PLXND1: variants seen among roughly 807,000 people sequenced by gnomAD.
PLXND1 encodes plexin D1.
A neutral mutation model predicts 197.7 loss-of-function variants in PLXND1; 54 were observed. That is an observed-to-expected ratio of 0.27 (90% CI 0.22 to 0.34). The LOEUF is 0.34. PLXND1 is among the 10% of genes least tolerant of loss of function. PLXND1 has a pLI of 1.00. For missense variants in PLXND1, 2,127 were observed against 2,699.2 expected, an observed-to-expected ratio of 0.79 and a Z score of 4.70; for synonymous variants, 1,180 against 1,161.2, an observed-to-expected ratio of 1.02 and a Z score of -0.33.
At position 129,605,959 on chromosome 3, in the gene PLXND1, C is replaced by T. The variant is rs1252172864; in HGVS notation, c.681G>A (p.Leu227=). ...GSSFFPRNRS[L]EDHRFENTPE... ...GCGTGTTCTCGAAGCGGTGGTCCTC[C>T]AGGCTGCGGTTGCGCGGGAAGAAGG... The change falls in exon 1 of 36, where the codon CTG becomes CTA. Residue 227 remains leucine, a synonymous_variant. Transcript: ENST00000324093. The T allele has an allele frequency of 1.2e-6, 2 of 1,612,654 alleles. No homozygotes were observed. The highest frequency in any genetic ancestry group is 8.5e-7 in the Non-Finnish European group (1 of 1,179,824).
chr3:129,570,883 C>T lies in PLXND1; in HGVS notation c.3653G>A (p.Gly1218Asp). The T allele has an allele frequency of 6.2e-7, 1 of 1,614,200 alleles. No individual in the cohort carries two copies. Among genetic ancestry groups the T allele is most frequent in the Non-Finnish European group, 8.5e-7 (1 of 1,180,016 alleles). ...LQSHEYRVKI[G>D]QVSCDIQIVS... ...AATCTGGATGTCGCAGCTTACTTGGCCTATCTTGACCCGGTACTCGTGACT... is the reference window on the plus strand; with the variant it reads ...AATCTGGATGTCGCAGCTTACTTGGTCTATCTTGACCCGGTACTCGTGACT... Residue 1218 changes from glycine (G) to aspartate (D), a missense_variant, in exon 19 of 36, where the codon GGC becomes GAC. Coordinates refer to ENST00000324093, the MANE Select transcript of PLXND1 (RefSeq NM_015103.3).
chr3:129,572,977 G>T, intron 13 of PLXND1, 36 bp from the exon 14 acceptor site: 1 of 1,464,938 alleles, frequency 6.8e-7, no homozygotes, highest in South Asian at 1.2e-5. Flanking sequence ...AGCGGTCCTT[G>T]GCCCCCACGG....
At chr3:129,564,115 T>TGAGGCAGCCCGCAGAAGGCG (rs1216099501) in intron 25 of PLXND1, among the ~76,000 whole-genome samples, 7 of 152,164 alleles carry the variant, frequency 4.6e-5, no homozygotes, top group Admixed American at 1.3e-4. Flanking sequence ...TGGCCCACAG[T>TGAGGCAGCCCGCAGAAGGCG]GAGGCAGCCC....
Position 129,583,681 on chromosome 3 carries a change from G to A in PLXND1, c.2139-12C>T, listed in dbSNP as rs750888717. Reference sequence around the variant, plus strand: ...GGCAGCTGGTACAGCTGGAAGACAAGGAGGCCCCTCAACTCCTGGTTCCCC... The same window carrying A: ...GGCAGCTGGTACAGCTGGAAGACAAAGAGGCCCCTCAACTCCTGGTTCCCC... On this transcript the variant is annotated splice_polypyrimidine_tract_variant and intron_variant, in intron 7 of 35. Coordinates refer to ENST00000324093, the MANE Select transcript of PLXND1 (RefSeq NM_015103.3). The A allele has an allele frequency of 1.3e-6, 2 of 1,593,260 alleles. No individual in the cohort carries two copies. The highest frequency in any genetic ancestry group is 2.2e-5 in the South Asian group (2 of 89,996).
At chr3:129,597,508 G>C (rs1398657294) in intron 1 of PLXND1, among the ~76,000 whole-genome samples, 1 of 152,110 alleles carries the variant, frequency 6.6e-6, no homozygotes, top group African/African-American at 2.4e-5. Context: ...TTACCGATCA[G>C]AGCATAAAGT....
At chr3:129,589,307 G>GCCGGCCCCCCCCCCC in intron 2 of PLXND1, 44 bp downstream of exon 2, 27 of 684,680 alleles carry the variant, frequency 3.9e-5, no homozygotes, top group East Asian at 2.5e-4. Flanking sequence ...TCCCAGGGGA[G>GCCGGCCCCCCCCCCC]CCTCCCACCC....
At chr3:129,559,102 C>G (rs577021188) in intron 32 of PLXND1, 2 of 155,970 alleles carry the variant, frequency 1.3e-5, no homozygotes, top group Admixed American at 1.3e-4. Flanking sequence ...TGCACAGAGG[C>G]GCCTGGGCTG....
intron 15 of PLXND1, 52 bp from the exon 16 acceptor site, chr3:129,571,896 C>T: frequency 6.6e-7 from 1 of 1,520,476 alleles, no homozygotes; most frequent in Non-Finnish European, 8.9e-7. Context: ...TGCTCACCCA[C>T]CGCCAATGCC....
Position 129,606,430 on chromosome 3 carries a change from G to T in PLXND1, c.210C>A (p.Thr70=), listed in dbSNP as rs750202664. Residue 70 remains threonine, a synonymous_variant, in exon 1 of 36, where the codon ACC becomes ACA. Coordinates refer to ENST00000324093, the MANE Select transcript of PLXND1 (RefSeq NM_015103.3). ...NNFALDGAAG[T]VYLAAVNRLY... Reference sequence around the variant, plus strand: ...GGCGGTTGACGGCCGCCAGGTACACGGTCCCCGCCGCGCCGTCCAGGGCGA... The same window carrying T: ...GGCGGTTGACGGCCGCCAGGTACACTGTCCCCGCCGCGCCGTCCAGGGCGA... 13 of 1,480,068 alleles carry T rather than the reference G, an allele frequency of 8.8e-6. No homozygotes were observed. Among genetic ancestry groups the T allele is most frequent in the South Asian group, 1.3e-5 (1 of 74,550 alleles). 91.7% of individuals were successfully genotyped at this position (1,480,068 alleles called of 1,614,324 possible). A position where few individuals can be genotyped will look rare whatever the true frequency, so the allele number is the denominator to read the frequency against.
chr3:129,572,622 AG>A lies in PLXND1; in HGVS notation c.3063del (p.Cys1022AlafsTer4). On this transcript the variant is annotated frameshift_variant, in exon 15 of 36. Transcript: ENST00000324093. LOFTEE classifies it high-confidence loss of function. Reference protein sequence around the residue: ...ELQVLVNDTDPCTELMRTDTS... With the variant: ...ELQVLVNDTDXCTELMRTDTS... ...CCAGAGGCTTACATCAGCTCCGTGC[AG>A]GGGTCTGTGTCGTTCACCAGGACCT... The A allele has an allele frequency of 6.4e-7, 1 of 1,566,144 alleles. No individual in the cohort carries two copies. Among genetic ancestry groups the A allele is most frequent in the Non-Finnish European group, 8.6e-7 (1 of 1,156,242 alleles).
rs2085000125 is a variant in PLXND1, at chr3:129,558,060, G to A, written c.5445+368C>T. Among the ~76,000 whole-genome samples, 1 of 152,198 alleles carries A rather than the reference G, an allele frequency of 6.6e-6. No homozygotes were observed. Among genetic ancestry groups the A allele is most frequent in the Non-Finnish European group, 1.5e-5 (1 of 68,050 alleles). ...TCGCTTGAATGGCTTTTGACTTTCA[G>A]GGGCTACTGCCCAGAGCCTGGCCCG... On this transcript the variant is annotated intron_variant, in intron 33 of 35. Transcript: ENST00000324093. This position sits in a 1 kb window ranked among gnomAD's most constrained non-coding sequence, Gnocchi z 4.1.
intron 1 of PLXND1, among the ~76,000 whole-genome samples, chr3:129,593,113 GCCATCTTTCTCTC>G (rs1204751927): frequency 6.6e-6 from 1 of 152,156 alleles, no homozygotes; most frequent in Admixed American, 6.5e-5. Flanking sequence ...AAGTCACAGG[GCCATCTTTCTCTC>G]ACACAAAGCT....
At chr3:129,571,335 G>C (rs772819509) in intron 17 of PLXND1, 32 bp from the exon 18 acceptor site, 2 of 1,599,804 alleles carry the variant, frequency 1.3e-6, no homozygotes, top group Non-Finnish European at 1.7e-6. Context: ...CCCAGGCCGG[G>C]ATGCAGGATG....
chr3:129,572,402 G>C (rs973739345), intron 15 of PLXND1, among the ~76,000 whole-genome samples: 1 of 152,190 alleles, frequency 6.6e-6, no homozygotes, highest in Non-Finnish European at 1.5e-5. Flanking sequence ...CTGTATACCT[G>C]GCACAAAGCC....
chr3:129,578,672 C>T (rs2085347480), intron 8 of PLXND1: 1 of 517,234 alleles, frequency 1.9e-6, no homozygotes, highest in East Asian at 3.4e-5. Context: ...AGGCAGATGG[C>T]ATAACCCGCC....
Position 129,569,925 on chromosome 3 carries a change from G to A in PLXND1, c.3783C>T (p.Ala1261=). 6.2e-7 allele frequency: 1 copy of A among 1,612,926 alleles called. No individual in the cohort carries two copies. Among genetic ancestry groups the A allele is most frequent in the Non-Finnish European group, 8.5e-7 (1 of 1,179,036 alleles). ...TCTCGCTGCCCCCCAGCTGCAGTGT[G>A]GCGATGGTCTGGTTGAAGTTCCCTA... ...IQVGNFNQTI[A]TLQLGGSETA... is the part of the protein sequence containing the mutation. Residue 1261 remains alanine, a synonymous_variant, in exon 20 of 36, where the codon GCC becomes GCT. Transcript: ENST00000324093.
At chr3:129,599,521 C>T (rs930095657) in intron 1 of PLXND1, among the ~76,000 whole-genome samples, 2 of 152,206 alleles carry the variant, frequency 1.3e-5, no homozygotes, top group Admixed American at 1.3e-4. Flanking sequence ...ACTCACCCTC[C>T]TGGGTGGACC....
chr3:129,591,985 C>G (rs1402121371), intron 1 of PLXND1, among the ~76,000 whole-genome samples: 1 of 152,212 alleles, frequency 6.6e-6, no homozygotes, highest in Non-Finnish European at 1.5e-5. Flanking sequence ...TCACACCTCC[C>G]TTGCCCTTGC....
Position 129,606,590 on chromosome 3 carries a change from G to A in PLXND1, c.50C>T (p.Ala17Val), listed in dbSNP as rs2085799068. 1.6e-6 allele frequency: 2 copies of A among 1,217,172 alleles called. No individual in the cohort carries two copies. Among genetic ancestry groups the A allele is most frequent in the East Asian group, 3.3e-5 (1 of 30,168 alleles). The allele number at this position is 1,217,172 out of a possible 1,614,324, so 75.4% of individuals were successfully genotyped here. The change falls in exon 1 of 36, where the codon GCC (alanine) becomes GTC (valine). Residue 17 changes from alanine to valine, a missense_variant. Physicochemically the swap from Ala to Val is moderately conservative, Grantham distance 64 (BLOSUM62 0). Transcript: ENST00000324093. ...CGTCTGGAACGGCGGGGGGCTGGCG[G>A]CGGCGGCCCGGGCGCTAAGGGGTGC... ...GGAPLSARAA[A>V]ASPPPFQTPP...
Sources: allele counts gnomAD v4.1 joint callset (sites outside exome capture counted in the v4.1 genomes callset), GRCh38; gene constraint gnomAD v4.1.1; non-coding constraint Gnocchi (gnomAD v3.1); transcripts MANE v1.5; gene names NCBI Gene and HGNC (gene_info 2026-07-23, HGNC 2026-07-21).